Variants in C13orf42 observed in about 807,000 individuals in gnomAD.
C13orf42 encodes uncharacterized protein C13orf42.
At chr13:51,157,209 G>A (rs1225192895) in intron 1 of C13orf42, among the ~76,000 whole-genome samples, 8 of 152,126 alleles carry the variant, frequency 5.3e-5, no homozygotes, top group Non-Finnish European at 1.0e-4. Flanking sequence ...CGAGGCGGAC[G>A]GATCGTTTGA....
rs1292613462 is a variant in C13orf42 at position 51,141,093 on chromosome 13, G to GA, written n.137-27872dup. On this transcript the variant is annotated intron_variant and non_coding_transcript_variant, in intron 1 of 4. Transcript: ENST00000433280. ...TTAATTAAAAGGCTAACATCGAAGGGAGGTGTGTGTGTGTGTGTGTGTGTG... is the reference window on the plus strand; with the variant it reads ...TTAATTAAAAGGCTAACATCGAAGGGAAGGTGTGTGTGTGTGTGTGTGTGTG... Among the ~76,000 whole-genome samples the GA allele has an allele frequency of 2.3e-3, 180 of 79,180 alleles. 1 individual carries two copies. The highest frequency in any genetic ancestry group is 8.2e-3 in the African/African-American group (172 of 20,892). The allele number at this position is 79,180 out of a possible 152,430, so 51.9% of individuals were successfully genotyped here.
intron 1 of C13orf42, among the ~76,000 whole-genome samples, chr13:51,097,725 G>A (rs567836903): frequency 7.1e-4 from 108 of 151,168 alleles, no homozygotes; most frequent in Non-Finnish European, 1.3e-3. Context: ...AAGCAAAAGT[G>A]GATTGCTTCC....
At position 51,082,526 on chromosome 13, in the gene C13orf42, G is replaced by A. The variant is rs1177285830; in HGVS notation, c.*1625C>T. ...AAACTGTAGTTTGATAAGAGGCAGA[G>A]TAAAGACACCTTTATCCTGAGTTTA... On this transcript the variant is annotated 3_prime_UTR_variant, in exon 4 of 4. Transcript: ENST00000563710. 6.6e-6 allele frequency: 1 copy of A among 152,200 alleles called. No homozygotes were observed. 9.4% of individuals were successfully genotyped at this position (152,200 alleles called of 1,614,324 possible).
At chr13:51,163,850 T>A (rs1953885018) in intron 1 of C13orf42, among the ~76,000 whole-genome samples, 1 of 152,144 alleles carries the variant, frequency 6.6e-6, no homozygotes. Context: ...GGATGGGTAC[T>A]AAGCAGTGAG....
chr13:51,129,912 T>C (rs1953603577), intron 1 of C13orf42, among the ~76,000 whole-genome samples: 1 of 152,214 alleles, frequency 6.6e-6, no homozygotes, highest in African/African-American at 2.4e-5. Flanking sequence ...GTTTCCCTCC[T>C]GTCTTCTATG....
chr13:51,098,920 A>G (rs1566125235), intron 1 of C13orf42, among the ~76,000 whole-genome samples: 1 of 151,976 alleles, frequency 6.6e-6, no homozygotes, highest in Non-Finnish European at 1.5e-5. Flanking sequence ...GGATAATCAT[A>G]CCTAGGTATC....
chr13:51,125,901 G>C (rs1349335754), intron 1 of C13orf42, among the ~76,000 whole-genome samples: 2 of 152,128 alleles, frequency 1.3e-5, no homozygotes, highest in African/African-American at 2.4e-5. Flanking sequence ...CTCTCATTTG[G>C]CTGACCATGC....
intron 3 of C13orf42, among the ~76,000 whole-genome samples, 186 bp downstream of exon 3, chr13:51,085,133 C>T (rs1177064194): frequency 2.0e-4 from 30 of 149,766 alleles, no homozygotes; most frequent in Admixed American, 2.0e-3. Context: ...AGAGTGCAGA[C>T]TACCAAAAAA....
At chr13:51,120,985 G>C (rs958866505) in intron 1 of C13orf42, among the ~76,000 whole-genome samples, 2 of 152,228 alleles carry the variant, frequency 1.3e-5, no homozygotes, top group Admixed American at 6.5e-5. Context: ...CTGCACTCCA[G>C]TCTGGGCGAC....
chr13:51,100,447 C>A (rs532397335), intron 1 of C13orf42, among the ~76,000 whole-genome samples: 3 of 152,102 alleles, frequency 2.0e-5, no homozygotes, highest in African/African-American at 7.2e-5. Flanking sequence ...GAAGAAGTGT[C>A]CCTATAAATA....
chr13:51,141,774 G>A (rs1953697925), intron 1 of C13orf42, among the ~76,000 whole-genome samples: 1 of 150,496 alleles, frequency 6.6e-6, no homozygotes, highest in Non-Finnish European at 1.5e-5. Context: ...CTCCAGCCTG[G>A]GTGACAGAGT....
intron 1 of C13orf42, among the ~76,000 whole-genome samples, chr13:51,123,648 C>A (rs373905796): frequency 7.2e-5 from 11 of 152,334 alleles, no homozygotes; most frequent in South Asian, 4.1e-4. Flanking sequence ...ATAAATTCTT[C>A]TACATAGTTC....
intron 1 of C13orf42, among the ~76,000 whole-genome samples, chr13:51,163,400 G>A (rs907256411): frequency 1.3e-5 from 2 of 152,086 alleles, no homozygotes; most frequent in African/African-American, 4.8e-5. Flanking sequence ...ACTCCAGCAG[G>A]GATGGCACGA....
chr13:51,156,632 G>A (rs1020140722), intron 1 of C13orf42, among the ~76,000 whole-genome samples: 5 of 152,158 alleles, frequency 3.3e-5, no homozygotes, highest in Non-Finnish European at 5.9e-5. Flanking sequence ...TGATAAAATG[G>A]AACAAAAGAC....
intron 1 of C13orf42, among the ~76,000 whole-genome samples, chr13:51,126,429 G>C (rs1953577963): frequency 6.6e-6 from 1 of 152,042 alleles, no homozygotes; most frequent in Non-Finnish European, 1.5e-5. Context: ...AATGAGCTGG[G>C]GATGAGACAG....
At chr13:51,154,145 C>T (rs1489203762) in intron 1 of C13orf42, among the ~76,000 whole-genome samples, 1 of 152,108 alleles carries the variant, frequency 6.6e-6, no homozygotes, top group African/African-American at 2.4e-5. Flanking sequence ...TGGGGTTCTT[C>T]GTGAGTAGCA....
chr13:51,147,160 GCAC>G (rs2138035119), intron 1 of C13orf42, among the ~76,000 whole-genome samples: 1 of 152,368 alleles, frequency 6.6e-6, no homozygotes, highest in South Asian at 2.1e-4. Context: ...TGTGGATGCT[GCAC>G]CATTTCCTGT....
chr13:51,140,908 C>T (rs778232783), intron 1 of C13orf42, among the ~76,000 whole-genome samples: 2 of 152,130 alleles, frequency 1.3e-5, no homozygotes, highest in Non-Finnish European at 2.9e-5. Flanking sequence ...GCATTAACAA[C>T]CAGCTCGTGT....
At chr13:51,126,101 G>A (rs190786464) in intron 1 of C13orf42, among the ~76,000 whole-genome samples, 140 of 152,312 alleles carry the variant, frequency 9.2e-4, no homozygotes, top group African/African-American at 3.2e-3. Context: ...GTGTGGCCGG[G>A]TGGATGTATA....
Sources: allele counts gnomAD v4.1 joint callset (sites outside exome capture counted in the v4.1 genomes callset), GRCh38; gene constraint gnomAD v4.1.1; transcripts MANE v1.5; gene names NCBI Gene and HGNC (gene_info 2026-07-23, HGNC 2026-07-21).